Variants in MPP7 observed in about 807,000 individuals in gnomAD.
The protein encoded by MPP7 is MAGUK p55 subfamily member 7.
In MPP7, 60 loss-of-function variants were observed where a neutral mutation model predicts 76.5. That is an observed-to-expected ratio of 0.78 (90% CI 0.64 to 0.97). The LOEUF (loss-of-function observed/expected upper bound fraction) is 0.97, where lower values mean the gene tolerates loss of function less well. Ranked by LOEUF, MPP7 falls within the 50% of genes least tolerant of loss-of-function variation. The pLI is 0.00. For missense variants in MPP7, 641 were observed against 694.0 expected (o/e 0.92, Z 0.86); for synonymous variants, 237 against 244.5 (o/e 0.97, Z 0.29).
At chr10:28,134,144 T>G (rs1231811987) in intron 5 of MPP7, among the ~76,000 whole-genome samples, 1 of 152,212 alleles carries the variant, frequency 6.6e-6, no homozygotes, top group Non-Finnish European at 1.5e-5. Flanking sequence ...ATACTTCTAC[T>G]AAAAATGTGA....
chr10:28,147,327 C>T (rs1220919865), intron 5 of MPP7, among the ~76,000 whole-genome samples, 156 bp downstream of exon 5: 4 of 152,272 alleles, frequency 2.6e-5, no homozygotes, highest in East Asian at 3.9e-4. Context: ...ATCAAAAGCT[C>T]GCCTCTTTCT....
chr10:28,069,919 A>T, intron 12 of MPP7, 67 bp from the exon 13 acceptor site: 1 of 1,180,974 alleles, frequency 8.5e-7, no homozygotes, highest in Non-Finnish European at 1.3e-6. Flanking sequence ...TGTAACTGAC[A>T]TGAGTCTCTA....
chr10:28,278,715 T>C (rs923333106), intron 1 of MPP7, among the ~76,000 whole-genome samples: 2 of 151,572 alleles, frequency 1.3e-5, no homozygotes, highest in African/African-American at 4.9e-5. Context: ...AAAGGATATA[T>C]ACAAATTCAT....
chr10:28,317,036 A>G (rs1016727575), intron 2 of MPP7, among the ~76,000 whole-genome samples: 1 of 152,156 alleles, frequency 6.6e-6, no homozygotes, highest in African/African-American at 2.4e-5. Flanking sequence ...AAGAACTGTG[A>G]GCCAGAAAGT....
chr10:28,219,937 A>C (rs1205028879), intron 2 of MPP7, among the ~76,000 whole-genome samples: 1 of 152,162 alleles, frequency 6.6e-6, no homozygotes, highest in Non-Finnish European at 1.5e-5. Context: ...AACTACCTAT[A>C]GTACACTAAA....
chr10:28,232,024 T>C (rs957149220), intron 2 of MPP7, among the ~76,000 whole-genome samples: 3 of 152,134 alleles, frequency 2.0e-5, no homozygotes, highest in Non-Finnish European at 4.4e-5. Flanking sequence ...ATGACCAAAT[T>C]GGGTTTATCC....
intron 2 of MPP7, among the ~76,000 whole-genome samples, chr10:28,227,469 C>T (rs1397707578): frequency 9.2e-5 from 14 of 152,124 alleles, no homozygotes; most frequent in Admixed American, 7.2e-4. Context: ...CCTTCCCCCA[C>T]CCCCAACCCC....
At chr10:28,171,225 A>G (rs1836670494) in intron 3 of MPP7, among the ~76,000 whole-genome samples, 1 of 152,228 alleles carries the variant, frequency 6.6e-6, no homozygotes, top group Non-Finnish European at 1.5e-5. Flanking sequence ...TAAACAACTA[A>G]TTACATTGTT....
At chr10:28,212,750 T>A (rs564583231) in intron 2 of MPP7, among the ~76,000 whole-genome samples, 2 of 152,116 alleles carry the variant, frequency 1.3e-5, no homozygotes, top group Non-Finnish European at 2.9e-5. Flanking sequence ...CAAGGAAGAA[T>A]GAACCATCCA....
chr10:28,107,932 G>T (rs1377376763), intron 11 of MPP7, among the ~76,000 whole-genome samples: 3 of 152,220 alleles, frequency 2.0e-5, no homozygotes, highest in Admixed American at 6.5e-5. Context: ...ATTCTGAAAT[G>T]AGTAAAGAAT....
Position 28,147,475 on chromosome 10 carries a change from G to T in MPP7, c.315+8C>A. The T allele has an allele frequency of 6.2e-7, 1 of 1,610,170 alleles. No homozygotes were observed. The highest frequency in any genetic ancestry group is 1.1e-5 in the South Asian group (1 of 91,012). ...AAGGTATTTATTACCGGCGTAACAT[G>T]TCCTCACCTTCACATTGGGTTTTGA... On this transcript the variant is annotated splice_region_variant and intron_variant, in intron 5 of 16. Coordinates refer to ENST00000683449, the MANE Select transcript of MPP7 (RefSeq NM_001318170.2).
chr10:28,287,910 T>C (rs564831706), intron 1 of MPP7, among the ~76,000 whole-genome samples: 66 of 151,956 alleles, frequency 4.3e-4, no homozygotes, highest in African/African-American at 1.6e-3. Context: ...ACACCGCAAA[T>C]AAGCTTTAAG....
intron 1 of MPP7, among the ~76,000 whole-genome samples, chr10:28,254,004 GAAAAAAAAAA>G (rs199511617): frequency 0.027 from 2,460 of 92,484 alleles, 26 homozygotes; most frequent in Admixed American, 0.039. Flanking sequence ...TCACAAAAAA[GAAAAAAAAAA>G]AAAAAAAAAA....
rs574874914 is a variant in MPP7 at position 28,081,191 on chromosome 10, C to T, written c.1123+8480G>A. 1.8e-4 allele frequency among the ~76,000 whole-genome samples: 28 copies of T among 152,304 alleles called. No homozygotes were observed. In the South Asian group the frequency reaches 4.1e-3, roughly 23 times the overall value. On this transcript the variant is annotated intron_variant, in intron 12 of 16. Coordinates refer to ENST00000683449, the MANE Select transcript of MPP7 (RefSeq NM_001318170.2). ...TACCTCCCAGCCAGACAGAACAAGT[C>T]GCAAATTGTCTGAATATCCACAAGA...
chr10:28,051,654 T>A lies in MPP7; in HGVS notation c.*2411A>T, dbSNP rs1460334977. 1 of 152,136 alleles carries A rather than the reference T, an allele frequency of 6.6e-6. No homozygotes were observed. Among genetic ancestry groups the A allele is most frequent in the Non-Finnish European group, 1.5e-5 (1 of 68,020 alleles). 9.4% of individuals were successfully genotyped at this position (152,136 alleles called of 1,614,324 possible). A position where few individuals can be genotyped will look rare whatever the true frequency, so the allele number is the denominator to read the frequency against. ...AGAAAGTACAGAATTCAGGGCCTTT[T>A]TGCTGCCGTTGTCAATGAACTCTCG... On this transcript the variant is annotated 3_prime_UTR_variant, in exon 17 of 17. Transcript: ENST00000683449.
intron 11 of MPP7, 46 bp from the exon 12 acceptor site, chr10:28,089,887 A>T: frequency 9.8e-7 from 1 of 1,022,826 alleles, no homozygotes; most frequent in Non-Finnish European, 1.4e-6. Flanking sequence ...TCAACCAAAA[A>T]AGAAACCCTC....
chr10:28,205,204 C>T (rs919850872), intron 2 of MPP7, among the ~76,000 whole-genome samples: 1 of 152,118 alleles, frequency 6.6e-6, no homozygotes, highest in Non-Finnish European at 1.5e-5. Flanking sequence ...AGCCACCAGG[C>T]CAGAGCCGTG....
intron 1 of MPP7, among the ~76,000 whole-genome samples, chr10:28,291,284 T>C (rs1840912875): frequency 6.6e-6 from 1 of 152,214 alleles, no homozygotes; most frequent in Admixed American, 6.5e-5. Flanking sequence ...TTGGATAGGA[T>C]GACAGCTAGA....
intron 16 of MPP7, among the ~76,000 whole-genome samples, chr10:28,054,961 G>C (rs1851500682): frequency 1.3e-5 from 2 of 152,202 alleles, no homozygotes; most frequent in Admixed American, 1.3e-4. Context: ...TTACAGGCAT[G>C]AGCCACCACG....
Sources: allele counts gnomAD v4.1 joint callset (sites outside exome capture counted in the v4.1 genomes callset), GRCh38; gene constraint gnomAD v4.1.1; transcripts MANE v1.5; gene names NCBI Gene and HGNC (gene_info 2026-07-23, HGNC 2026-07-21).